FSTL4: variants seen among roughly 807,000 people sequenced by gnomAD.
FSTL4 encodes the protein follistatin-related protein 4.
Under a neutral mutation model 78.2 loss-of-function variants are expected in FSTL4, and 28 were observed. The ratio of observed to expected loss-of-function variants is 0.36; its 90% CI spans 0.27 to 0.49. The LOEUF (loss-of-function observed/expected upper bound fraction) is 0.49, where lower values mean the gene tolerates loss of function less well. Ranked by LOEUF, FSTL4 falls within the 20% of genes least tolerant of loss-of-function variation. FSTL4 has a pLI of 0.98. For missense variants in FSTL4, 922 were observed against 1,084.9 expected (o/e 0.85, Z 2.11); for synonymous variants, 422 against 440.5 (o/e 0.96, Z 0.53).
At chr5:133,738,671 T>C in the FSTL4 span, among the ~76,000 whole-genome samples, 2 of 152,164 alleles carry the variant, frequency 1.3e-5, no homozygotes, top group South Asian at 2.1e-4. Flanking sequence ...CTCGTTTATC[T>C]TGGGGGAGGT....
chr5:133,566,549 T>A lies in FSTL4; in HGVS notation c.160+637A>T, dbSNP rs141845106. Among the ~76,000 whole-genome samples the A allele has an allele frequency of 1.2e-3, 184 of 152,198 alleles. 3 individuals carry two copies. The highest frequency in any genetic ancestry group is 1.8e-3 in the Non-Finnish European group (125 of 67,994). ...GATTCCACAAATCATACAAAAGGCA[T>A]CCCTTATTAGAGACTAGGTATTACT... On this transcript the variant is annotated intron_variant, in intron 3 of 15. Transcript: ENST00000265342.
At position 133,611,564 on chromosome 5, in the gene FSTL4, A is replaced by C. The variant is rs1389184431; in HGVS notation, c.-11+761T>G. Among the ~76,000 whole-genome samples, 5 of 152,158 alleles carry C rather than the reference A, an allele frequency of 3.3e-5. No homozygotes were observed. Among genetic ancestry groups the C allele is most frequent in the Non-Finnish European group, 7.4e-5 (5 of 68,024 alleles). On this transcript the variant is annotated intron_variant, in intron 1 of 15. Coordinates refer to ENST00000265342, the MANE Select transcript of FSTL4 (RefSeq NM_015082.2). This position sits in a 1 kb window ranked among gnomAD's most constrained non-coding sequence, Gnocchi z 4.9. ...CCACAGTGCAAGCTCTCTTAGGACC[A>C]AGCCCCCAGCCCGAACGCTGAACGC... is the stretch of plus-strand genomic sequence containing the variant.
At chr5:133,645,330 C>T in the FSTL4 span, among the ~76,000 whole-genome samples, 1 of 152,104 alleles carries the variant, frequency 6.6e-6, no homozygotes, top group South Asian at 2.1e-4. Flanking sequence ...GTGCATGGTT[C>T]TAGGATGGTG....
At chr5:133,314,938 G>A (rs949444564) in intron 5 of FSTL4, among the ~76,000 whole-genome samples, 5 of 152,128 alleles carry the variant, frequency 3.3e-5, no homozygotes, top group East Asian at 3.8e-4. Flanking sequence ...CAAGGTGGGC[G>A]GATCACCTGA....
intron 7 of FSTL4, among the ~76,000 whole-genome samples, chr5:133,241,301 C>A (rs949661915): frequency 6.6e-6 from 1 of 152,228 alleles, no homozygotes; most frequent in African/African-American, 2.4e-5. Flanking sequence ...TTGGGAACCA[C>A]CTGACTTCCA....
intron 15 of FSTL4, among the ~76,000 whole-genome samples, chr5:133,200,130 A>G (rs1750274771): frequency 6.6e-6 from 1 of 152,224 alleles, no homozygotes; most frequent in Admixed American, 6.5e-5. Flanking sequence ...GGCCCATGCC[A>G]GCTAGAAAGG....
chr5:133,766,923 C>T, the FSTL4 span, among the ~76,000 whole-genome samples: 24 of 152,248 alleles, frequency 1.6e-4, no homozygotes, highest in South Asian at 1.9e-3. Context: ...TAGCAGGACT[C>T]TAGAAGGCAT....
At chr5:133,308,002 G>A (rs1308648356) in intron 6 of FSTL4, among the ~76,000 whole-genome samples, 3 of 152,102 alleles carry the variant, frequency 2.0e-5, no homozygotes, top group Non-Finnish European at 4.4e-5. Flanking sequence ...GGATGGTCTG[G>A]ATCTCCTGAC....
intron 3 of FSTL4, among the ~76,000 whole-genome samples, chr5:133,506,016 A>G (rs1758605474): frequency 6.6e-6 from 1 of 152,244 alleles, no homozygotes; most frequent in Admixed American, 6.5e-5. Context: ...GCTGCCTGCC[A>G]ATGCTGGCAA....
intron 8 of FSTL4, among the ~76,000 whole-genome samples, chr5:133,226,598 G>A (rs1178950948): frequency 1.3e-5 from 2 of 152,222 alleles, no homozygotes; most frequent in Non-Finnish European, 2.9e-5. Flanking sequence ...TAGTGGAATT[G>A]AGGGTTCTTC....
chr5:133,546,002 T>G (rs1049263639), intron 3 of FSTL4, among the ~76,000 whole-genome samples: 2 of 152,248 alleles, frequency 1.3e-5, no homozygotes, highest in East Asian at 3.8e-4. Flanking sequence ...GCCCTAGGGC[T>G]CTATGGACTG....
intron 2 of FSTL4, among the ~76,000 whole-genome samples, chr5:133,577,407 G>A (rs1172058395): frequency 2.6e-5 from 4 of 152,148 alleles, no homozygotes; most frequent in Non-Finnish European, 5.9e-5. Context: ...TGGCTCTGGG[G>A]TTAGAGAGAG....
intron 3 of FSTL4, among the ~76,000 whole-genome samples, chr5:133,461,679 T>A (rs1435631977): frequency 6.6e-6 from 1 of 152,204 alleles, no homozygotes; most frequent in Non-Finnish European, 1.5e-5. Flanking sequence ...CCAGTGACCT[T>A]GGAGAAGGGT....
chr5:133,687,747 T>C, the FSTL4 span, among the ~76,000 whole-genome samples: 8 of 152,236 alleles, frequency 5.3e-5, no homozygotes, highest in Non-Finnish European at 1.2e-4. Flanking sequence ...CTGCTATGAA[T>C]AGAGATCCAA....
intron 2 of FSTL4, among the ~76,000 whole-genome samples, chr5:133,597,260 T>C (rs1760756486): frequency 6.6e-6 from 1 of 152,160 alleles, no homozygotes; most frequent in Non-Finnish European, 1.5e-5. Context: ...TTGGGCCTTG[T>C]TAGAGCCTGC....
chr5:133,513,842 C>T (rs564095744), intron 3 of FSTL4, among the ~76,000 whole-genome samples: 2 of 152,216 alleles, frequency 1.3e-5, no homozygotes, highest in African/African-American at 4.8e-5. Flanking sequence ...CTTTAGAATT[C>T]AGAAGAAAAC....
chr5:133,311,924 C>G (rs1753794510), intron 6 of FSTL4, among the ~76,000 whole-genome samples: 1 of 152,178 alleles, frequency 6.6e-6, no homozygotes, highest in Non-Finnish European at 1.5e-5. Context: ...CTGCCCTTTC[C>G]TCTCCTCTCT....
chr5:133,372,269 G>GTATGTATCTATCTATC (rs143392836), intron 4 of FSTL4, among the ~76,000 whole-genome samples: 1 of 142,926 alleles, frequency 7.0e-6, no homozygotes, highest in Admixed American at 7.3e-5. Context: ...ATGTATGTAT[G>GTATGTATCTATCTATC]TATCTATCTA....
chr5:133,810,944 T>A, the FSTL4 span, among the ~76,000 whole-genome samples: 370 of 152,340 alleles, frequency 2.4e-3, 1 homozygote, highest in Admixed American at 3.9e-3. Context: ...TGCAGCTCGA[T>A]TTTACAGGCT....
Sources: allele counts gnomAD v4.1 joint callset (sites outside exome capture counted in the v4.1 genomes callset), GRCh38; gene constraint gnomAD v4.1.1; non-coding constraint Gnocchi (gnomAD v3.1); transcripts MANE v1.5; gene names NCBI Gene and HGNC (gene_info 2026-07-23, HGNC 2026-07-21).